Variants in LARP4B observed in about 807,000 individuals in gnomAD.
The protein encoded by LARP4B is La ribonucleoprotein 4B, also known as la-related protein 4B.
In LARP4B, 12 loss-of-function variants were observed where a neutral mutation model predicts 89.8. The observed-to-expected ratio is 0.13, with a 90% CI of 0.09 to 0.22. The LOEUF (loss-of-function observed/expected upper bound fraction) is 0.22, where lower values mean the gene tolerates loss of function less well. Among genes scored for constraint, LARP4B ranks in the 10% least tolerant of loss-of-function variants. The probability of loss-of-function intolerance (pLI) is 1.00; values close to 1 mark genes in which losing one functional copy is unlikely to be tolerated. For synonymous variants in LARP4B, 367 were observed against 363.3 expected (o/e 1.01, Z -0.12); for missense variants, 757 against 947.7 (o/e 0.80, Z 2.64).
intron 1 of LARP4B, among the ~76,000 whole-genome samples, chr10:927,413 T>C (rs1299355644): frequency 1.3e-5 from 2 of 152,220 alleles, no homozygotes; most frequent in Non-Finnish European, 2.9e-5. Context: ...ACTTTCAAGT[T>C]GGAATTTATC....
intron 5 of LARP4B, among the ~76,000 whole-genome samples, chr10:849,331 AAAAT>A (rs1833929688): frequency 6.6e-6 from 1 of 152,216 alleles, no homozygotes; most frequent in Non-Finnish European, 1.5e-5. Flanking sequence ...AAAACAAAAC[AAAAT>A]AACCACAAAA....
chr10:867,862 G>GAAAAAAAAAAAA (rs903762145), intron 3 of LARP4B, among the ~76,000 whole-genome samples: 1 of 43,356 alleles, frequency 2.3e-5, no homozygotes, highest in Non-Finnish European at 4.4e-5. Context: ...CTCCATCCTT[G>GAAAAAAAAAAAA]AAAAAAAAAA....
In LARP4B at chr10:863,759, A is replaced by G; in HGVS notation, c.414T>C (p.Pro138=). ...ALGPSEYDSL[P]ENSETGGNES... ...TATGTTTACCTGTCTCGCTATTTTC[A>G]GGCAGAGAGTCATATTCTGAGGGAC... The change falls in exon 5 of 18, where the codon CCT becomes CCC. Residue 138 remains proline, a synonymous_variant. Transcript: ENST00000316157. 1 of 1,606,828 alleles carries G rather than the reference A, an allele frequency of 6.2e-7. No individual in the cohort carries two copies. Among genetic ancestry groups the G allele is most frequent in the South Asian group, 1.1e-5 (1 of 89,592 alleles).
At chr10:977,535 A>G in the LARP4B span, among the ~76,000 whole-genome samples, 2 of 150,840 alleles carry the variant, frequency 1.3e-5, no homozygotes, top group Admixed American at 6.6e-5. Flanking sequence ...ACAAAGCAAG[A>G]TCCTATCTCA....
At chr10:847,316 C>T (rs977358163) in intron 5 of LARP4B, among the ~76,000 whole-genome samples, 4 of 152,078 alleles carry the variant, frequency 2.6e-5, no homozygotes, top group Non-Finnish European at 2.9e-5. Context: ...ACAAGTGAGA[C>T]GGGCTCTCAG....
chr10:893,947 G>A (rs1224128935), intron 1 of LARP4B, among the ~76,000 whole-genome samples: 2 of 152,302 alleles, frequency 1.3e-5, no homozygotes, highest in Middle Eastern at 3.4e-3. Flanking sequence ...ATTTCAAGCT[G>A]CTGTTCCTCG....
At chr10:970,706 C>T in the LARP4B span, among the ~76,000 whole-genome samples, 1 of 152,218 alleles carries the variant, frequency 6.6e-6, no homozygotes, top group African/African-American at 2.4e-5. Context: ...TGTTTTCTTT[C>T]TTGATGTGTA....
intron 3 of LARP4B, among the ~76,000 whole-genome samples, chr10:875,286 T>C (rs939966366): frequency 1.3e-5 from 2 of 152,328 alleles, no homozygotes; most frequent in South Asian, 4.1e-4. Context: ...ATTTGTAAAA[T>C]GGAGCCAACA....
At chr10:941,121 TGGA>T in the LARP4B span, among the ~76,000 whole-genome samples, 1 of 152,134 alleles carries the variant, frequency 6.6e-6, no homozygotes, top group Non-Finnish European at 1.5e-5. Context: ...GGCAGGTGCT[TGGA>T]GGAGGACGGA....
At chr10:821,593 C>T (rs1027422956) in intron 13 of LARP4B, among the ~76,000 whole-genome samples, 11 of 152,240 alleles carry the variant, frequency 7.2e-5, no homozygotes, top group African/African-American at 2.7e-4. Flanking sequence ...ACACATTCAT[C>T]TCAATGGATA....
chr10:865,219 C>T (rs193025431), intron 3 of LARP4B, among the ~76,000 whole-genome samples: 1 of 152,170 alleles, frequency 6.6e-6, no homozygotes, highest in Admixed American at 6.5e-5. Flanking sequence ...TTCTGGACAA[C>T]GGACTCTCAG....
chr10:976,919 C>A, the LARP4B span, among the ~76,000 whole-genome samples: 1 of 144,662 alleles, frequency 6.9e-6, no homozygotes, highest in African/African-American at 2.6e-5. Flanking sequence ...AGGCCTGTCA[C>A]GTAATGTGCA....
chr10:916,886 G>A (rs1287771549), intron 1 of LARP4B, among the ~76,000 whole-genome samples: 1 of 152,058 alleles, frequency 6.6e-6, no homozygotes, highest in Non-Finnish European at 1.5e-5. Flanking sequence ...TTGTCGAGAT[G>A]GGGGTCTTGC....
chr10:845,772 T>C (rs1385333149), intron 5 of LARP4B, among the ~76,000 whole-genome samples: 3 of 152,216 alleles, frequency 2.0e-5, no homozygotes, highest in Admixed American at 2.0e-4. Context: ...TAAAGAGGTA[T>C]TTTAATAATG....
chr10:939,301 C>T, the LARP4B span, among the ~76,000 whole-genome samples: 331 of 152,274 alleles, frequency 2.2e-3, 2 homozygotes, highest in African/African-American at 7.0e-3. Context: ...ATGAAGGAAC[C>T]GCAAGGGTGA....
intron 1 of LARP4B, among the ~76,000 whole-genome samples, chr10:926,923 C>G (rs1237149492): frequency 6.6e-6 from 1 of 152,020 alleles, no homozygotes; most frequent in African/African-American, 2.4e-5. Flanking sequence ...GTATGTAGTC[C>G]CAGCTACTCA....
Position 863,730 on chromosome 10 carries a change from A to G in LARP4B, c.430+13T>C, listed in dbSNP as rs1277757510. The G allele has an allele frequency of 6.3e-7, 1 of 1,589,282 alleles. No homozygotes were observed. The highest frequency in any genetic ancestry group is 2.2e-5 in the East Asian group (1 of 44,606). On this transcript the variant is annotated intron_variant, in intron 5 of 17. Transcript: ENST00000316157. The stretch of plus-strand genomic sequence containing the variant: ...ATATTCCCTGGGAAAATGCACCCAT[A>G]AGATATGTTTACCTGTCTCGCTATT...
intron 1 of LARP4B, among the ~76,000 whole-genome samples, chr10:924,036 C>A (rs966676435): frequency 6.6e-6 from 1 of 152,014 alleles, no homozygotes; most frequent in African/African-American, 2.4e-5. Context: ...GAATTCGAGA[C>A]CAGACTGGGC....
chr10:974,441 C>G, the LARP4B span, among the ~76,000 whole-genome samples: 1 of 152,198 alleles, frequency 6.6e-6, no homozygotes, highest in Non-Finnish European at 1.5e-5. Context: ...TCAGAGAGGC[C>G]TGGGCACCCA....
Sources: gnomAD v4.1 joint callset for allele counts (sites outside exome capture counted in the v4.1 genomes callset) on GRCh38, gnomAD v4.1.1 for gene constraint, MANE v1.5 for transcripts, NCBI Gene and HGNC (gene_info 2026-07-23, HGNC 2026-07-21) for gene names.